SHQ1: variants seen among roughly 807,000 people sequenced by gnomAD.
SHQ1 encodes the protein protein SHQ1 homolog.
A neutral mutation model predicts 53.8 loss-of-function variants in SHQ1; 49 were observed. That is an observed-to-expected ratio of 0.91 (90% CI 0.72 to 1.16). The LOEUF is 1.16. Ranked by LOEUF, SHQ1 falls within the 50% of genes most tolerant of loss-of-function variation. The probability of loss-of-function intolerance (pLI) is 0.00; values close to 1 mark genes in which losing one functional copy is unlikely to be tolerated. For synonymous variants in SHQ1, 243 were observed against 251.0 expected (o/e 0.97, Z 0.30); for missense variants, 738 against 683.1 (o/e 1.08, Z -0.90).
intron 9 of SHQ1, among the ~76,000 whole-genome samples, chr3:72,797,610 T>C (rs1706666183): frequency 1.3e-5 from 2 of 152,256 alleles, no homozygotes; most frequent in Non-Finnish European, 2.9e-5. Flanking sequence ...AAAATTATAT[T>C]GCAAGGCAGT....
At chr3:72,747,396 G>C (rs1446631020), downstream of SHQ1, among the ~76,000 whole-genome samples, 1 of 152,172 alleles carries the variant, frequency 6.6e-6, no homozygotes, top group Admixed American at 6.5e-5. Context: ...AGAAAAATGG[G>C]AGCAATACAC....
At position 72,800,874 on chromosome 3, in the gene SHQ1, C is replaced by T. The variant is rs561901641; in HGVS notation, c.1061-7838G>A. On this transcript the variant is annotated intron_variant, in intron 9 of 10. Transcript: ENST00000325599. ...TAGCTGTACAAACTTTATTACATCA[C>T]TGTACCACCATAAGTTCAAATAATA... Among the ~76,000 whole-genome samples, 41 of 152,326 alleles carry T rather than the reference C, an allele frequency of 2.7e-4. No individual in the cohort carries two copies. The South Asian group carries it at 5.0e-3, about 18-fold the overall frequency.
At chr3:72,730,267 C>T in the SHQ1 span, among the ~76,000 whole-genome samples, 1 of 152,110 alleles carries the variant, frequency 6.6e-6, no homozygotes, top group Non-Finnish European at 1.5e-5. Context: ...AGACATGTGT[C>T]ACCACACCTG....
chr3:72,835,275 T>C (rs1707955973), intron 4 of SHQ1, among the ~76,000 whole-genome samples: 1 of 152,030 alleles, frequency 6.6e-6, no homozygotes, highest in African/African-American at 2.4e-5. Context: ...TACTACAGGC[T>C]GTTGTGAGGA....
intron 10 of SHQ1, among the ~76,000 whole-genome samples, chr3:72,791,055 T>C (rs6778168): frequency 6.6e-6 from 1 of 151,938 alleles, no homozygotes; most frequent in African/African-American, 2.4e-5. Context: ...ATATCTTTCT[T>C]CTTTAATGAA....
chr3:72,738,784 T>C, the SHQ1 span, among the ~76,000 whole-genome samples: 1 of 152,102 alleles, frequency 6.6e-6, no homozygotes, highest in Non-Finnish European at 1.5e-5. Context: ...AAGCATACAC[T>C]CCAGCCTCAG....
intron 10 of SHQ1, chr3:72,753,474 A>AC (rs1417353750): frequency 1.0e-6 from 1 of 984,836 alleles, no homozygotes; most frequent in Non-Finnish European, 1.2e-6. Context: ...ATTGCCCCCC[A>AC]CCCCCCACAA....
intron 10 of SHQ1, among the ~76,000 whole-genome samples, chr3:72,762,509 T>C (rs1705633303): frequency 6.6e-6 from 1 of 152,248 alleles, no homozygotes; most frequent in South Asian, 2.1e-4. Context: ...TGTGCTTCGC[T>C]GTGATCCCAA....
At chr3:72,842,995 TG>T (rs1166547987) in intron 2 of SHQ1, among the ~76,000 whole-genome samples, 4 of 151,538 alleles carry the variant, frequency 2.6e-5, no homozygotes, top group African/African-American at 9.7e-5. Context: ...GATAATCGCT[TG>T]AACCCAGGAG....
intron 6 of SHQ1, among the ~76,000 whole-genome samples, chr3:72,820,590 T>C (rs1240180517): frequency 1.3e-5 from 2 of 152,122 alleles, no homozygotes; most frequent in South Asian, 2.1e-4. Context: ...TTGCACACAA[T>C]CAAGTCTAAC....
chr3:72,829,824 T>C (rs1026332501), intron 5 of SHQ1, among the ~76,000 whole-genome samples: 1 of 152,172 alleles, frequency 6.6e-6, no homozygotes, highest in South Asian at 2.1e-4. Context: ...CCCAAAGAAA[T>C]AGGCAAGATT....
chr3:72,792,211 C>T (rs1575696544), intron 10 of SHQ1, among the ~76,000 whole-genome samples: 1 of 152,110 alleles, frequency 6.6e-6, no homozygotes, highest in Non-Finnish European at 1.5e-5. Context: ...AACATGAATG[C>T]ACATACATCT....
intron 10 of SHQ1, among the ~76,000 whole-genome samples, chr3:72,763,062 C>CTGAG (rs1553689147): frequency 3.3e-4 from 25 of 76,264 alleles, no homozygotes; most frequent in African/African-American, 6.6e-4. Flanking sequence ...CACACACACA[C>CTGAG]AGAGAGAGAG....
At chr3:72,817,124 A>ATAAC in intron 7 of SHQ1, 106 bp downstream of exon 7, 1 of 1,273,242 alleles carries the variant, frequency 7.9e-7, no homozygotes, top group Non-Finnish European at 1.1e-6. Context: ...CATCCCCTGA[A>ATAAC]TAACTGATCA....
chr3:72,845,610 C>G (rs2106980851), intron 1 of SHQ1, among the ~76,000 whole-genome samples: 1 of 152,264 alleles, frequency 6.6e-6, no homozygotes, highest in Non-Finnish European at 1.5e-5. Flanking sequence ...TGTCACTTTT[C>G]TATTTTAAAA....
intron 6 of SHQ1, among the ~76,000 whole-genome samples, chr3:72,818,194 C>T (rs1043823373): frequency 6.6e-6 from 1 of 152,060 alleles, no homozygotes; most frequent in African/African-American, 2.4e-5. Context: ...TCTCACTCAA[C>T]AATACCTCTG....
At chr3:72,818,567 T>C (rs1707383130) in intron 6 of SHQ1, among the ~76,000 whole-genome samples, 1 of 152,200 alleles carries the variant, frequency 6.6e-6, no homozygotes, top group Admixed American at 6.5e-5. Flanking sequence ...AATAGCTTTT[T>C]TACAATCATT....
intron 5 of SHQ1, among the ~76,000 whole-genome samples, chr3:72,825,342 CAA>C (rs1707617539): frequency 6.7e-6 from 1 of 148,398 alleles, no homozygotes. Context: ...TGCATCTCCA[CAA>C]AGAGGCTAAA....
intron 10 of SHQ1, among the ~76,000 whole-genome samples, chr3:72,790,285 G>C (rs1049879449): frequency 3.3e-5 from 5 of 152,170 alleles, no homozygotes. Context: ...TAACTTCATC[G>C]ATTCAATGTA....
Sources: allele counts gnomAD v4.1 joint callset (sites outside exome capture counted in the v4.1 genomes callset), GRCh38; gene constraint gnomAD v4.1.1; transcripts MANE v1.5; gene names NCBI Gene and HGNC (gene_info 2026-07-23, HGNC 2026-07-21).